Variants in XKR6 observed in about 807,000 individuals in gnomAD.
XKR6 encodes XK related 6.
XKR6 carries 22 observed loss-of-function variants against 56.7 expected under a neutral mutation model. The observed-to-expected ratio is 0.39, with a 90% confidence interval of 0.28 to 0.55. The LOEUF (loss-of-function observed/expected upper bound fraction) is 0.55, where lower values mean the gene tolerates loss of function less well. XKR6 is among the 20% of genes least tolerant of loss of function. XKR6 has a pLI of 0.66. For synonymous variants in XKR6, 524 were observed against 387.8 expected, an observed-to-expected ratio of 1.35 and a Z score of -4.13; for missense variants, 852 against 889.0, an observed-to-expected ratio of 0.96 and a Z score of 0.53.
intron 1 of XKR6, among the ~76,000 whole-genome samples, chr8:11,034,793 T>C (rs1342475026): frequency 6.6e-6 from 1 of 152,162 alleles, no homozygotes; most frequent in African/African-American, 2.4e-5. Context: ...GTGTGCAACA[T>C]TTACCATGGC....
intron 1 of XKR6, among the ~76,000 whole-genome samples, chr8:11,003,428 T>TCATCAC (rs1268917389): frequency 1.3e-5 from 2 of 151,954 alleles, no homozygotes; most frequent in African/African-American, 4.8e-5. Flanking sequence ...ATCATCAACA[T>TCATCAC]CATCACCATC....
chr8:11,200,335 G>T lies in XKR6; in HGVS notation c.764+241C>A, dbSNP rs1459347287. 3.3e-5 allele frequency among the ~76,000 whole-genome samples: 5 copies of T among 152,236 alleles called. No homozygotes were observed. The highest frequency in any genetic ancestry group is 9.6e-5 in the African/African-American group (4 of 41,470). ...GAGGGCAGGTTGGGGCAAGAGCCCC[G>T]CCGAGTGCGAAGCGGGGACGAGGAC... is the stretch of plus-strand genomic sequence containing the variant. On this transcript the variant is annotated intron_variant, in intron 1 of 2. Transcript: ENST00000416569. This position sits in a 1 kb window ranked among gnomAD's most constrained non-coding sequence, Gnocchi z 6.4.
chr8:11,109,863 T>C (rs1798820506), intron 1 of XKR6: 1 of 152,180 alleles, frequency 6.6e-6, no homozygotes, highest in South Asian at 2.1e-4. Flanking sequence ...CATCACAGAA[T>C]AAAAGTTTCT....
At chr8:10,992,693 C>A (rs1219158221) in intron 1 of XKR6, among the ~76,000 whole-genome samples, 1 of 152,176 alleles carries the variant, frequency 6.6e-6, no homozygotes, top group Non-Finnish European at 1.5e-5. Context: ...ATTCCCTGAC[C>A]TCTTCCCTCC....
At chr8:11,001,451 G>C (rs1012334494) in intron 1 of XKR6, among the ~76,000 whole-genome samples, 6 of 152,146 alleles carry the variant, frequency 3.9e-5, no homozygotes, top group African/African-American at 1.4e-4. Context: ...CTAGACTCTC[G>C]AATATTCAAA....
At chr8:11,141,339 G>A (rs576824571) in intron 1 of XKR6, among the ~76,000 whole-genome samples, 55 of 152,282 alleles carry the variant, frequency 3.6e-4, no homozygotes, top group African/African-American at 1.3e-3. Flanking sequence ...TGGGAGGCAG[G>A]ATCCTTGGGA....
intron 2 of XKR6, among the ~76,000 whole-genome samples, chr8:10,909,498 G>C (rs1800286667): frequency 6.6e-6 from 1 of 152,154 alleles, no homozygotes; most frequent in African/African-American, 2.4e-5. Context: ...GTGAATGCTA[G>C]CTCCCTAAGG....
chr8:11,049,984 G>A (rs1337602804), intron 1 of XKR6, among the ~76,000 whole-genome samples: 1 of 152,114 alleles, frequency 6.6e-6, no homozygotes, highest in African/African-American at 2.4e-5. Context: ...CCCTCGTGAG[G>A]AAATCATATT....
intron 1 of XKR6, among the ~76,000 whole-genome samples, chr8:11,015,973 G>A (rs10101372): frequency 1.3e-5 from 2 of 152,100 alleles, no homozygotes; most frequent in African/African-American, 4.8e-5. Context: ...CCATGAGGGC[G>A]GGCAGCAGGG....
intron 1 of XKR6, among the ~76,000 whole-genome samples, chr8:10,976,749 G>A (rs11991752): frequency 0.061 from 7,768 of 126,448 alleles, 651 homozygotes; most frequent in African/African-American, 0.2. Context: ...AGGCTACCTC[G>A]CCTGTCTCTC....
intron 1 of XKR6, among the ~76,000 whole-genome samples, chr8:11,151,337 A>C (rs1053540916): frequency 6.6e-6 from 1 of 152,216 alleles, no homozygotes; most frequent in Admixed American, 6.5e-5. Flanking sequence ...TACACTGTGC[A>C]TTTGCTAGGT....
intron 1 of XKR6, among the ~76,000 whole-genome samples, chr8:11,063,387 A>G (rs1029576026): frequency 6.6e-6 from 1 of 152,124 alleles, no homozygotes; most frequent in Non-Finnish European, 1.5e-5. Flanking sequence ...AGTCCTAGCT[A>G]CTTGGGAGGC....
chr8:11,147,754 A>G lies in XKR6; in HGVS notation c.764+52822T>C, dbSNP rs117192419. Reference sequence around the variant, plus strand: ...AGAAGCAAATTAAGGAGATGCCATTACACACCTAATAGAAAGGCTGGAATC... The same window carrying G: ...AGAAGCAAATTAAGGAGATGCCATTGCACACCTAATAGAAAGGCTGGAATC... On this transcript the variant is annotated intron_variant, in intron 1 of 2. Coordinates refer to ENST00000416569, the MANE Select transcript of XKR6 (RefSeq NM_173683.4). 6.0e-3 allele frequency among the ~76,000 whole-genome samples: 918 copies of G among 152,226 alleles called. 27 individuals carry two copies. Among genetic ancestry groups the G allele is most frequent in the East Asian group, 0.055 (284 of 5,176 alleles).
intron 1 of XKR6, among the ~76,000 whole-genome samples, chr8:11,168,081 A>G (rs1454543054): frequency 1.3e-5 from 2 of 152,182 alleles, no homozygotes; most frequent in African/African-American, 4.8e-5. Context: ...TCGGTGAAAG[A>G]GGAGACTCTG....
chr8:11,117,959 C>T (rs1018539967), intron 1 of XKR6, among the ~76,000 whole-genome samples: 5 of 152,000 alleles, frequency 3.3e-5, no homozygotes, highest in Admixed American at 1.3e-4. Flanking sequence ...CAGGGAATAC[C>T]GAGAGTGTGG....
At chr8:11,108,333 A>G (rs1016675244) in intron 1 of XKR6, 1 of 456,244 alleles carries the variant, frequency 2.2e-6, no homozygotes, top group Admixed American at 2.3e-5. Context: ...ACAGAATCCT[A>G]AATTTCCAGT....
At chr8:11,059,812 C>G (rs978005492) in intron 1 of XKR6, among the ~76,000 whole-genome samples, 1 of 152,028 alleles carries the variant, frequency 6.6e-6, no homozygotes, top group Non-Finnish European at 1.5e-5. Context: ...TCCACGGGGA[C>G]AAGAGCATTT....
At chr8:11,152,753 T>A (rs1432334678) in intron 1 of XKR6, among the ~76,000 whole-genome samples, 1 of 152,230 alleles carries the variant, frequency 6.6e-6, no homozygotes, top group Non-Finnish European at 1.5e-5. Context: ...TCAACTAGCT[T>A]GTGGACAGAG....
intron 1 of XKR6, among the ~76,000 whole-genome samples, chr8:11,117,427 T>G (rs1799234443): frequency 6.6e-6 from 1 of 152,020 alleles, no homozygotes; most frequent in Non-Finnish European, 1.5e-5. Flanking sequence ...AGTCAGAAAA[T>G]CCCAAACTGA....
Sources: gnomAD v4.1 joint callset for allele counts (sites outside exome capture counted in the v4.1 genomes callset) on GRCh38, gnomAD v4.1.1 for gene constraint, Gnocchi (gnomAD v3.1) non-coding constraint, MANE v1.5 for transcripts, NCBI Gene and HGNC (gene_info 2026-07-23, HGNC 2026-07-21) for gene names.